ARHGAP6: variants seen among roughly 807,000 people sequenced by gnomAD.
ARHGAP6 encodes the protein Rho GTPase activating protein 6, also known as rho GTPase-activating protein 6.
A neutral mutation model predicts 55.7 loss-of-function variants in ARHGAP6; 16 were observed. That is an observed-to-expected ratio of 0.29 (90% CI 0.19 to 0.44). ARHGAP6 has a LOEUF of 0.44. Among genes scored for constraint, ARHGAP6 ranks in the 20% least tolerant of loss-of-function variants. The pLI is 1.00. For missense variants in ARHGAP6, 698 were observed against 808.9 expected (o/e 0.86, Z 1.66); for synonymous variants, 382 against 360.9 (o/e 1.06, Z -0.66).
intron 2 of ARHGAP6, chrX:11,221,242 G>C (rs5979386): frequency 0.2 from 22,718 of 115,349 alleles, 1,758 homozygotes; most frequent in Middle Eastern, 0.29. Context: ...CTTTGGTTCT[G>C]CAGTTCTTTT....
At chrX:11,143,502 C>T in intron 11 of ARHGAP6, 3 of 777,223 alleles carry the variant, frequency 3.9e-6, no homozygotes, top group Non-Finnish European at 4.6e-6. Flanking sequence ...TTTGTGACTC[C>T]CAGTATAGTG....
intron 1 of ARHGAP6, among the ~76,000 whole-genome samples, chrX:11,558,702 G>T (rs2051348201): frequency 9.3e-6 from 1 of 107,228 alleles, no homozygotes; most frequent in African/African-American, 3.4e-5. Flanking sequence ...TGGGAGTAGT[G>T]GTGGACGCTT....
chrX:11,253,796 T>C (rs764840850), intron 2 of ARHGAP6, among the ~76,000 whole-genome samples: 1 of 109,874 alleles, frequency 9.1e-6, no homozygotes, highest in Non-Finnish European at 1.9e-5. Context: ...TCCCAGCTAC[T>C]TGGGAGGCTG....
intron 1 of ARHGAP6, among the ~76,000 whole-genome samples, chrX:11,265,073 T>C (rs761541274): frequency 1.7e-4 from 19 of 112,456 alleles, no homozygotes; most frequent in African/African-American, 5.5e-4. Context: ...ACTTTACAAA[T>C]GAGCAAAGCA....
intron 9 of ARHGAP6, among the ~76,000 whole-genome samples, chrX:11,165,512 A>G (rs1394833304): frequency 8.9e-6 from 1 of 111,746 alleles, no homozygotes; most frequent in East Asian, 2.8e-4. Context: ...ATGTAATAAT[A>G]GCAGAAATCT....
chrX:11,490,455 A>G (rs1016535258), intron 1 of ARHGAP6, among the ~76,000 whole-genome samples: 3 of 112,103 alleles, frequency 2.7e-5, no homozygotes, highest in Non-Finnish European at 5.6e-5. Flanking sequence ...AGAGAAATGC[A>G]GCTCAGCTGA....
chrX:11,358,476 TCTTTC>T (rs1569313556), intron 1 of ARHGAP6, among the ~76,000 whole-genome samples: 2 of 92,934 alleles, frequency 2.2e-5, no homozygotes, highest in African/African-American at 8.9e-5. Context: ...TTTCTTTCTT[TCTTTC>T]TTTCTTTTTT....
At chrX:11,232,028 A>G (rs1030868312) in intron 2 of ARHGAP6, among the ~76,000 whole-genome samples, 10 of 112,219 alleles carry the variant, frequency 8.9e-5, no homozygotes, top group African/African-American at 3.2e-4. Flanking sequence ...TGATTCATGA[A>G]TATGTAAAGA....
In ARHGAP6 at chrX:11,626,528, C is replaced by G. The variant is rs191819207; in HGVS notation, c.588+37713G>C. Among the ~76,000 whole-genome samples, 153 of 111,889 alleles carry G rather than the reference C, an allele frequency of 1.4e-3. 1 individual carries two copies. The highest frequency in any genetic ancestry group is 4.9e-3 in the African/African-American group (151 of 30,959). On this transcript the variant is annotated intron_variant, in intron 1 of 12. Transcript: ENST00000337414. The stretch of plus-strand genomic sequence containing the variant: ...TGTTAAAGTCTGGAAGAAAATATAG[C>G]AGGTATTTCTTAATGCATCATAAAA...
intron 1 of ARHGAP6, among the ~76,000 whole-genome samples, chrX:11,360,355 T>C (rs867711055): frequency 1.4e-4 from 16 of 110,649 alleles, no homozygotes; most frequent in South Asian, 7.7e-4. Flanking sequence ...GTTCAATATA[T>C]GCAAATCAAT....
chrX:11,542,795 C>T (rs1161631015), intron 1 of ARHGAP6, among the ~76,000 whole-genome samples: 1 of 111,893 alleles, frequency 8.9e-6, no homozygotes, highest in Non-Finnish European at 1.9e-5. Flanking sequence ...CAATCTGTCA[C>T]ATCTTGGATG....
intron 1 of ARHGAP6, among the ~76,000 whole-genome samples, chrX:11,516,515 AT>A (rs1429929115): frequency 4.5e-5 from 5 of 112,059 alleles, no homozygotes; most frequent in Non-Finnish European, 9.4e-5. Flanking sequence ...TGTATGCAAC[AT>A]TTTAGCTATC....
intron 1 of ARHGAP6, among the ~76,000 whole-genome samples, chrX:11,257,130 A>G (rs1316515232): frequency 8.9e-6 from 1 of 111,749 alleles, no homozygotes; most frequent in Non-Finnish European, 1.9e-5. Flanking sequence ...AAGGAACACT[A>G]TTGGGGAATT....
chrX:11,458,316 C>A (rs1165999196), intron 1 of ARHGAP6, among the ~76,000 whole-genome samples: 1 of 112,379 alleles, frequency 8.9e-6, no homozygotes, highest in Non-Finnish European at 1.9e-5. Context: ...GCCTCGGCCT[C>A]TTGCCACTCC....
intron 1 of ARHGAP6, among the ~76,000 whole-genome samples, chrX:11,302,276 T>C (rs948766661): frequency 6.2e-5 from 7 of 112,355 alleles, no homozygotes; most frequent in Non-Finnish European, 1.1e-4. Context: ...CATTGCTCTA[T>C]GTACTACTTC....
At chrX:11,491,898 T>C (rs1187653741) in intron 1 of ARHGAP6, among the ~76,000 whole-genome samples, 3 of 107,909 alleles carry the variant, frequency 2.8e-5, no homozygotes, top group South Asian at 4.0e-4. Flanking sequence ...TTTTTAATGA[T>C]TGCCATTCTA....
chrX:11,312,972 G>A (rs761395234), intron 1 of ARHGAP6, among the ~76,000 whole-genome samples: 15 of 111,931 alleles, frequency 1.3e-4, no homozygotes, highest in Admixed American at 1.2e-3. Context: ...TACTCAATTT[G>A]TTCATGGGGG....
chrX:11,444,830 A>G (rs979364914), intron 1 of ARHGAP6, among the ~76,000 whole-genome samples: 1 of 112,366 alleles, frequency 8.9e-6, no homozygotes, highest in Non-Finnish European at 1.9e-5. Context: ...GGCTTTAACA[A>G]GCACTCTTGT....
At chrX:11,650,381 T>C (rs780732084) in intron 1 of ARHGAP6, among the ~76,000 whole-genome samples, 5 of 112,114 alleles carry the variant, frequency 4.5e-5, no homozygotes, top group African/African-American at 1.3e-4. Context: ...TGAACATTTA[T>C]ATAAGCAGCA....
Sources: gnomAD v4.1 joint callset for allele counts (sites outside exome capture counted in the v4.1 genomes callset) on GRCh38, gnomAD v4.1.1 for gene constraint, MANE v1.5 for transcripts, NCBI Gene and HGNC (gene_info 2026-07-23, HGNC 2026-07-21) for gene names.